The following SLC39A11 variants were observed in gnomAD, a reference collection of about 807,000 sequenced individuals.
SLC39A11 encodes solute carrier family 39 member 11.
Under a neutral mutation model 36.1 loss-of-function variants are expected in SLC39A11, and 33 were observed. That is an observed-to-expected ratio of 0.91 (90% CI 0.69 to 1.22). The LOEUF (loss-of-function observed/expected upper bound fraction) is 1.22, where lower values mean the gene tolerates loss of function less well. SLC39A11 is among the 50% of genes most tolerant of loss of function. The probability of loss-of-function intolerance (pLI) is 0.00; values close to 1 mark genes in which losing one functional copy is unlikely to be tolerated. For synonymous variants in SLC39A11, 166 were observed against 170.3 expected (o/e 0.97, Z 0.20); for missense variants, 432 against 430.3 (o/e 1.00, Z -0.03).
intron 5 of SLC39A11, among the ~76,000 whole-genome samples, chr17:72,899,577 T>G (rs2146889347): frequency 6.6e-6 from 1 of 152,222 alleles, no homozygotes; most frequent in East Asian, 1.9e-4. Context: ...GCTATTCTCA[T>G]CATCAGGATT....
intron 7 of SLC39A11, among the ~76,000 whole-genome samples, chr17:72,725,059 T>C (rs1392024946): frequency 6.6e-6 from 1 of 152,274 alleles, no homozygotes; most frequent in East Asian, 1.9e-4. Context: ...GGTCTGGCTT[T>C]GCCCATGCAT....
intron 4 of SLC39A11, among the ~76,000 whole-genome samples, chr17:72,989,022 C>G (rs1222065158): frequency 1.3e-5 from 2 of 152,140 alleles, no homozygotes; most frequent in Non-Finnish European, 2.9e-5. Flanking sequence ...ACCAGCCTGG[C>G]CACCACGATA....
chr17:72,769,272 C>CGT (rs2075853887), intron 6 of SLC39A11, among the ~76,000 whole-genome samples: 2 of 152,202 alleles, frequency 1.3e-5, no homozygotes, highest in African/African-American at 4.8e-5. Context: ...TTCTTTCCAA[C>CGT]GTGTCACTCA....
chr17:72,994,068 C>G (rs2089352285), intron 4 of SLC39A11, among the ~76,000 whole-genome samples: 1 of 152,162 alleles, frequency 6.6e-6, no homozygotes, highest in African/African-American at 2.4e-5. Flanking sequence ...CAAGTTTCAC[C>G]CGTTACAGTC....
intron 9 of SLC39A11, 62 bp from the exon 10 acceptor site, chr17:72,647,724 T>C: frequency 7.5e-7 from 1 of 1,334,206 alleles, no homozygotes. Flanking sequence ...ACGGCTAGGC[T>C]GAAGGCATCC....
At chr17:72,778,404 C>G (rs75393111) in intron 6 of SLC39A11, among the ~76,000 whole-genome samples, 25 of 152,338 alleles carry the variant, frequency 1.6e-4, no homozygotes, top group African/African-American at 6.0e-4. Flanking sequence ...GGGGAGCCAG[C>G]TAGTCTAATT....
chr17:72,879,293 T>C (rs2081076623), intron 5 of SLC39A11, among the ~76,000 whole-genome samples: 1 of 152,186 alleles, frequency 6.6e-6, no homozygotes, highest in Non-Finnish European at 1.5e-5. Context: ...CTGGTCTTTC[T>C]CTTCACCAGC....
At chr17:72,705,574 C>T (rs2072856416) in intron 7 of SLC39A11, among the ~76,000 whole-genome samples, 1 of 152,138 alleles carries the variant, frequency 6.6e-6, no homozygotes, top group Admixed American at 6.5e-5. Flanking sequence ...ATCTGAAGGT[C>T]AACATCAAAG....
intron 5 of SLC39A11, among the ~76,000 whole-genome samples, chr17:72,921,618 A>G (rs1205740262): frequency 6.6e-6 from 1 of 152,258 alleles, no homozygotes; most frequent in East Asian, 1.9e-4. Context: ...AGGAATATGC[A>G]TATTGCTGGA....
rs75147324 is a variant in SLC39A11 at position 72,814,532 on chromosome 17, C to T, written c.601+35102G>A. ...CTCTGAACACATTGTGGAATAGTCC[C>T]GAGGTGAGAAGGTGCCTGAGAGAAC... On this transcript the variant is annotated intron_variant, in intron 6 of 9. Coordinates refer to ENST00000255559, the MANE Select transcript of SLC39A11 (RefSeq NM_139177.4). 1.5e-3 allele frequency among the ~76,000 whole-genome samples: 229 copies of T among 152,274 alleles called. 9 individuals carry two copies. The East Asian group carries it at 0.028, about 19-fold the overall frequency.
intron 3 of SLC39A11, among the ~76,000 whole-genome samples, chr17:73,082,487 T>G (rs1005569186): frequency 4.6e-5 from 7 of 152,172 alleles, no homozygotes; most frequent in Non-Finnish European, 8.8e-5. Context: ...TCTTTTTTGT[T>G]TTGTTTTTTT....
intron 3 of SLC39A11, among the ~76,000 whole-genome samples, chr17:73,047,990 A>AAAAAAAAAAAAATATATATAT (rs1555693446): frequency 3.4e-5 from 2 of 58,696 alleles, no homozygotes; most frequent in Non-Finnish European, 6.0e-5. Flanking sequence ...AAAAAAAAAA[A>AAAAAAAAAAAAATATATATAT]ATATATATAT....
chr17:72,812,541 G>A (rs868032965), intron 6 of SLC39A11, among the ~76,000 whole-genome samples: 2 of 152,168 alleles, frequency 1.3e-5, no homozygotes, highest in East Asian at 3.9e-4. Context: ...TGATGAGCAA[G>A]GCAGAATGGA....
chr17:72,692,648 T>C (rs966971822), intron 7 of SLC39A11, among the ~76,000 whole-genome samples: 3 of 152,102 alleles, frequency 2.0e-5, no homozygotes, highest in African/African-American at 7.2e-5. Flanking sequence ...CCTCCCACAA[T>C]TTGTGGGAAT....
At chr17:72,683,348 T>TC (rs1385397771) in intron 7 of SLC39A11, among the ~76,000 whole-genome samples, 1 of 151,548 alleles carries the variant, frequency 6.6e-6, no homozygotes, top group Non-Finnish European at 1.5e-5. Context: ...TTTTTTTTTT[T>TC]TTTTGGATAC....
chr17:72,805,747 TTTTTC>T (rs1342005817), intron 6 of SLC39A11, among the ~76,000 whole-genome samples: 19 of 150,966 alleles, frequency 1.3e-4, no homozygotes, highest in African/African-American at 3.9e-4. Flanking sequence ...TTTCTTTTTC[TTTTTC>T]TTTTTTTTTT....
chr17:73,059,609 C>A (rs6501597), intron 3 of SLC39A11, among the ~76,000 whole-genome samples: 3 of 149,754 alleles, frequency 2.0e-5, no homozygotes, highest in Admixed American at 6.7e-5. Context: ...AAGCCGAGAT[C>A]GCGCCATTGC....
At chr17:72,752,305 C>T (rs369724592) in intron 6 of SLC39A11, among the ~76,000 whole-genome samples, 204 of 152,046 alleles carry the variant, frequency 1.3e-3, no homozygotes, top group Non-Finnish European at 2.7e-3. Context: ...AGAGCAGTGG[C>T]GTGATCTTGG....
intron 4 of SLC39A11, among the ~76,000 whole-genome samples, chr17:72,965,424 C>T (rs1297689299): frequency 1.3e-5 from 2 of 152,144 alleles, no homozygotes; most frequent in African/African-American, 4.8e-5. Flanking sequence ...TCAATAGAAA[C>T]TGCACTTTGA....
Sources: allele counts gnomAD v4.1 joint callset (sites outside exome capture counted in the v4.1 genomes callset), GRCh38; gene constraint gnomAD v4.1.1; transcripts MANE v1.5; gene names NCBI Gene and HGNC (gene_info 2026-07-23, HGNC 2026-07-21).